The following ANXA8 variants were observed in gnomAD, a reference collection of about 807,000 sequenced individuals.
ANXA8 encodes VAC-beta.
ANXA8 carries 9 observed loss-of-function variants against 26.8 expected under a neutral mutation model. The ratio of observed to expected loss-of-function variants is 0.34; its 90% CI spans 0.20 to 0.59. The LOEUF is 0.59. Among genes scored for constraint, ANXA8 ranks in the 20% least tolerant of loss-of-function variants. ANXA8 has a pLI of 0.84. For missense variants in ANXA8, 83 were observed against 238.5 expected, an observed-to-expected ratio of 0.35 and a Z score of 4.29; for synonymous variants, 39 against 94.8, an observed-to-expected ratio of 0.41 and a Z score of 3.42.
At chr10:47,691,010 G>A in the ANXA8 span, 2 of 1,610,976 alleles carry the variant, frequency 1.2e-6, no homozygotes, top group African/African-American at 1.3e-5. Context: ...AAAAAACTGT[G>A]ATTCTAAAAG....
At chr10:47,536,704 C>T in the ANXA8 span, among the ~76,000 whole-genome samples, 1 of 124,838 alleles carries the variant, frequency 8.0e-6, no homozygotes, top group Admixed American at 7.8e-5. Flanking sequence ...TGCCTGTAGT[C>T]CCAGCTACAC....
the ANXA8 span, among the ~76,000 whole-genome samples, chr10:47,682,755 C>A: frequency 3.3e-5 from 5 of 152,018 alleles, no homozygotes; most frequent in Non-Finnish European, 7.4e-5. Flanking sequence ...CAGGCATGAC[C>A]CACTGCACCT....
At chr10:47,644,586 G>A in the ANXA8 span, among the ~76,000 whole-genome samples, 3 of 152,044 alleles carry the variant, frequency 2.0e-5, no homozygotes, top group Non-Finnish European at 4.4e-5. Flanking sequence ...GTAAAATCTT[G>A]CTTTTTAAAA....
the ANXA8 span, among the ~76,000 whole-genome samples, chr10:47,773,836 TA>T: frequency 4.1e-5 from 6 of 147,894 alleles, no homozygotes; most frequent in Non-Finnish European, 9.0e-5. Flanking sequence ...GATTCTGAAA[TA>T]AAAGTTTAAA....
At chr10:47,626,499 T>C in the ANXA8 span, among the ~76,000 whole-genome samples, 1 of 150,024 alleles carries the variant, frequency 6.7e-6, no homozygotes, top group Admixed American at 6.6e-5. Flanking sequence ...ATACAAAATC[T>C]TTCTTCTTAA....
At chr10:47,563,952 C>G in the ANXA8 span, among the ~76,000 whole-genome samples, 1 of 148,468 alleles carries the variant, frequency 6.7e-6, no homozygotes, top group Non-Finnish European at 1.5e-5. Context: ...TAAATAAGAC[C>G]AAATTATAGT....
At chr10:47,617,066 T>C in the ANXA8 span, among the ~76,000 whole-genome samples, 1 of 71,770 alleles carries the variant, frequency 1.4e-5, no homozygotes, top group Non-Finnish European at 3.5e-5. Flanking sequence ...AAATTACATA[T>C]AGAAAAAATG....
At chr10:47,680,415 A>G in the ANXA8 span, among the ~76,000 whole-genome samples, 1 of 151,874 alleles carries the variant, frequency 6.6e-6, no homozygotes, top group Non-Finnish European at 1.5e-5. Flanking sequence ...TGGGTGGATC[A>G]CCTGAGGTCA....
chr10:47,616,365 T>C, the ANXA8 span, among the ~76,000 whole-genome samples: 2 of 63,220 alleles, frequency 3.2e-5, no homozygotes, highest in African/African-American at 9.5e-5. Context: ...GTGTAATTTG[T>C]TCTCCTGCTG....
chr10:47,971,300 G>C, the ANXA8 span, among the ~76,000 whole-genome samples: 1 of 151,150 alleles, frequency 6.6e-6, no homozygotes, highest in Non-Finnish European at 1.5e-5. Context: ...CTCCTTTCTT[G>C]TATCAGTGAA....
the ANXA8 span, among the ~76,000 whole-genome samples, chr10:47,720,306 T>A: frequency 7.0e-6 from 1 of 143,488 alleles, no homozygotes; most frequent in East Asian, 3.0e-4. Context: ...CAAACAGCTG[T>A]ACCAAAGAAA....
At chr10:47,506,473 G>T in the ANXA8 span, among the ~76,000 whole-genome samples, 2 of 138,350 alleles carry the variant, frequency 1.4e-5, no homozygotes, top group African/African-American at 5.5e-5. Flanking sequence ...TGGGACTACA[G>T]GCATGCACCA....
chr10:47,561,564 G>A, the ANXA8 span, among the ~76,000 whole-genome samples: 1 of 151,812 alleles, frequency 6.6e-6, no homozygotes, highest in Non-Finnish European at 1.5e-5. Context: ...TTCATGATAT[G>A]TATGGAGGCT....
chr10:47,679,425 C>A, the ANXA8 span, among the ~76,000 whole-genome samples: 44 of 152,308 alleles, frequency 2.9e-4, no homozygotes, highest in African/African-American at 9.1e-4. Flanking sequence ...CATAGTGATA[C>A]CCCTATGTCT....
the ANXA8 span, among the ~76,000 whole-genome samples, chr10:47,771,500 C>T: frequency 6.6e-6 from 1 of 151,748 alleles, no homozygotes; most frequent in East Asian, 1.9e-4. Context: ...AAATACTTTA[C>T]TTACATTGTT....
At chr10:47,580,734 C>A in the ANXA8 span, among the ~76,000 whole-genome samples, 1 of 141,370 alleles carries the variant, frequency 7.1e-6, no homozygotes, top group African/African-American at 2.8e-5. Flanking sequence ...CAGAGCAGGA[C>A]CTGTCTCAAA....
chr10:47,685,072 C>A, the ANXA8 span, among the ~76,000 whole-genome samples: 2 of 150,126 alleles, frequency 1.3e-5, no homozygotes, highest in African/African-American at 2.5e-5. Flanking sequence ...TGCCACCCAG[C>A]GCGGTGGCTC....
At chr10:47,595,132 A>G in the ANXA8 span, among the ~76,000 whole-genome samples, 3 of 148,348 alleles carry the variant, frequency 2.0e-5, no homozygotes, top group Non-Finnish European at 4.4e-5. Flanking sequence ...AAAAGGAATG[A>G]CATTCCAGCA....
the ANXA8 span, among the ~76,000 whole-genome samples, chr10:47,928,750 CT>C: frequency 0.13 from 13,445 of 100,794 alleles, 315 homozygotes; most frequent in African/African-American, 0.18. Context: ...CTCTCTCTCT[CT>C]TTTTTTTTTT....
Sources: gnomAD v4.1 joint callset for allele counts (sites outside exome capture counted in the v4.1 genomes callset) on GRCh38, gnomAD v4.1.1 for gene constraint, MANE v1.5 for transcripts, NCBI Gene and HGNC (gene_info 2026-07-23, HGNC 2026-07-21) for gene names.